EXOC6B: variants seen among roughly 807,000 people sequenced by gnomAD.
EXOC6B encodes exocyst complex component 6B.
Under a neutral mutation model 113.5 loss-of-function variants are expected in EXOC6B, and 54 were observed. The ratio of observed to expected loss-of-function variants is 0.48; its 90% CI spans 0.38 to 0.60. The LOEUF is 0.60. Ranked by LOEUF, EXOC6B falls within the 20% of genes least tolerant of loss-of-function variation. The pLI, the probability that EXOC6B is intolerant of heterozygous loss-of-function variation, is 0.00. For missense variants in EXOC6B, 797 were observed against 977.5 expected (o/e 0.82, Z 2.46); for synonymous variants, 357 against 339.0 (o/e 1.05, Z -0.58).
intron 2 of EXOC6B, among the ~76,000 whole-genome samples, chr2:72,738,355 C>G (rs13020538): frequency 0.011 from 1,716 of 152,286 alleles, 12 homozygotes; most frequent in Non-Finnish European, 0.018. Context: ...GTCATGGGCT[C>G]TATTCCAGAT....
At chr2:72,524,965 G>A (rs1451848431) in intron 8 of EXOC6B, among the ~76,000 whole-genome samples, 2 of 152,216 alleles carry the variant, frequency 1.3e-5, no homozygotes, top group Admixed American at 1.3e-4. Flanking sequence ...TTTGAAGAGA[G>A]TAGAGGCAGT....
At chr2:72,373,831 T>A (rs977775423) in intron 19 of EXOC6B, among the ~76,000 whole-genome samples, 1 of 152,168 alleles carries the variant, frequency 6.6e-6, no homozygotes, top group African/African-American at 2.4e-5. Context: ...TGAATTAGTA[T>A]AACCACTATG....
chr2:72,512,562 G>A (rs1328119645), intron 11 of EXOC6B, among the ~76,000 whole-genome samples: 2 of 151,946 alleles, frequency 1.3e-5, no homozygotes, highest in African/African-American at 4.8e-5. Flanking sequence ...AGAACATTGG[G>A]CAGCTTAATA....
chr2:72,671,789 AAG>A (rs148733379), intron 6 of EXOC6B, among the ~76,000 whole-genome samples: 4,577 of 116,444 alleles, frequency 0.039, 150 homozygotes, highest in African/African-American at 0.062. Context: ...GAAAGAAAGA[AAG>A]AAAGAAAGAA....
intron 20 of EXOC6B, among the ~76,000 whole-genome samples, chr2:72,331,678 A>G (rs936858646): frequency 2.0e-5 from 3 of 152,130 alleles, no homozygotes; most frequent in Admixed American, 6.6e-5. Context: ...GATTTGTACT[A>G]TCTAATTCAC....
intron 20 of EXOC6B, among the ~76,000 whole-genome samples, chr2:72,193,123 T>C (rs1678954608): frequency 6.6e-6 from 1 of 152,166 alleles, no homozygotes; most frequent in Admixed American, 6.5e-5. Flanking sequence ...CTGCCTTTTT[T>C]TGGAGGCAGT....
intron 6 of EXOC6B, among the ~76,000 whole-genome samples, chr2:72,609,236 A>G (rs529153213): frequency 6.6e-6 from 1 of 152,198 alleles, no homozygotes; most frequent in Admixed American, 6.6e-5. Context: ...AATCAGGAGA[A>G]CAAACAGCAA....
chr2:72,586,148 G>C (rs1705553991), intron 6 of EXOC6B, among the ~76,000 whole-genome samples: 1 of 152,064 alleles, frequency 6.6e-6, no homozygotes, highest in East Asian at 1.9e-4. Context: ...TAAAATGCTA[G>C]AAGAAAACCT....
At chr2:72,571,570 C>A (rs917191729) in intron 7 of EXOC6B, among the ~76,000 whole-genome samples, 19 of 152,000 alleles carry the variant, frequency 1.3e-4, no homozygotes, top group Admixed American at 1.1e-3. Flanking sequence ...ACTAGAAATA[C>A]GTTTCTTTAT....
At chr2:72,466,423 C>G (rs531453828) in intron 17 of EXOC6B, among the ~76,000 whole-genome samples, 20 of 151,780 alleles carry the variant, frequency 1.3e-4, no homozygotes, top group Admixed American at 1.2e-3. Context: ...CCACTCTTTA[C>G]CTGTTCAACT....
Position 72,731,000 on chromosome 2 carries a change from AT to A in EXOC6B, c.464+6del, listed in dbSNP as rs1210900580. On this transcript the variant is annotated splice_donor_region_variant and intron_variant, in intron 5 of 21. Transcript: ENST00000272427. ...GTAAAAACTGTTCGATTAAAAAAAA[AT>A]CTTACCTTTTAGTTTTCATCTGGTC... 3.9e-6 allele frequency: 6 copies of A among 1,524,428 alleles called. No homozygotes were observed. In the South Asian group the frequency reaches 5.1e-5, roughly 13 times the overall value. 94.4% of individuals were successfully genotyped at this position (1,524,428 alleles called of 1,614,324 possible).
chr2:72,597,684 C>T (rs1670161363), intron 6 of EXOC6B, among the ~76,000 whole-genome samples: 1 of 151,532 alleles, frequency 6.6e-6, no homozygotes, highest in East Asian at 1.9e-4. Flanking sequence ...CTATATGTTG[C>T]CTATAAGAAA....
At chr2:72,245,864 C>A (rs1201154521) in intron 20 of EXOC6B, among the ~76,000 whole-genome samples, 1 of 152,024 alleles carries the variant, frequency 6.6e-6, no homozygotes. Flanking sequence ...TGAACTACTG[C>A]AAAAAATCTC....
chr2:72,265,061 A>C (rs931593887), intron 20 of EXOC6B, among the ~76,000 whole-genome samples: 2 of 151,820 alleles, frequency 1.3e-5, no homozygotes, highest in Non-Finnish European at 2.9e-5. Flanking sequence ...GGAACGGTTT[A>C]GAGGGCTTAG....
intron 1 of EXOC6B, among the ~76,000 whole-genome samples, chr2:72,823,459 G>GAAAAAAAAAAAAAAT (rs1686694502): frequency 1.4e-5 from 1 of 70,030 alleles, no homozygotes; most frequent in African/African-American, 8.2e-5. Context: ...AAAGTTTTAA[G>GAAAAAAAAAAAAAAT]AAAAAAAAAA....
At chr2:72,477,871 T>C (rs1243869326) in intron 17 of EXOC6B, among the ~76,000 whole-genome samples, 1 of 152,214 alleles carries the variant, frequency 6.6e-6, no homozygotes, top group African/African-American at 2.4e-5. Context: ...TTTTGGTCAT[T>C]TATTTTTTTT....
intron 20 of EXOC6B, among the ~76,000 whole-genome samples, chr2:72,247,956 T>A (rs1043508377): frequency 6.6e-6 from 1 of 152,146 alleles, no homozygotes; most frequent in Non-Finnish European, 1.5e-5. Flanking sequence ...GCCTGGAAAA[T>A]GGGAGATAGA....
chr2:72,688,784 T>C (rs890102542), intron 6 of EXOC6B, among the ~76,000 whole-genome samples: 5 of 152,216 alleles, frequency 3.3e-5, no homozygotes, highest in Admixed American at 3.3e-4. Context: ...CTCTTATAAG[T>C]TCACTCTTGA....
intron 6 of EXOC6B, among the ~76,000 whole-genome samples, chr2:72,634,555 C>A (rs1164309212): frequency 8.5e-5 from 13 of 152,142 alleles, no homozygotes; most frequent in Non-Finnish European, 1.9e-4. Flanking sequence ...ATGGTGTCAA[C>A]AGACATGTGA....
Sources: allele counts gnomAD v4.1 joint callset (sites outside exome capture counted in the v4.1 genomes callset), GRCh38; gene constraint gnomAD v4.1.1; transcripts MANE v1.5; gene names NCBI Gene and HGNC (gene_info 2026-07-23, HGNC 2026-07-21).